Variants in DOCK9 observed in about 807,000 individuals in gnomAD.
DOCK9 encodes the protein dedicator of cytokinesis 9, also known as dedicator of cytokinesis protein 9.
A neutral mutation model predicts 263.3 loss-of-function variants in DOCK9; 89 were observed. That is an observed-to-expected ratio of 0.34 (90% CI 0.28 to 0.40). The LOEUF is 0.40. Ranked by LOEUF, DOCK9 falls within the 10% of genes least tolerant of loss-of-function variation. The probability of loss-of-function intolerance (pLI) is 1.00; values close to 1 mark genes in which losing one functional copy is unlikely to be tolerated. For missense variants in DOCK9, 2,140 were observed against 2,603.4 expected (o/e 0.82, Z 3.87); for synonymous variants, 976 against 973.1 (o/e 1.00, Z -0.06).
chr13:98,942,237 T>C (rs1336391842), intron 2 of DOCK9, among the ~76,000 whole-genome samples: 1 of 147,476 alleles, frequency 6.8e-6, no homozygotes, highest in Admixed American at 6.7e-5. Context: ...TTTTTGTTGT[T>C]TTTTTTTTTT....
At chr13:98,942,235 G>GTTTTTTTTTTTTTT (rs61340557) in intron 2 of DOCK9, among the ~76,000 whole-genome samples, 1 of 99,388 alleles carries the variant, frequency 1.0e-5, no homozygotes. Flanking sequence ...TTTTTTTGTT[G>GTTTTTTTTTTTTTT]TTTTTTTTTT....
At chr13:99,040,668 C>A (rs1324989) in intron 1 of DOCK9, among the ~76,000 whole-genome samples, 77,385 of 151,856 alleles carry the variant, frequency 0.51, 19,950 homozygotes, top group East Asian at 0.65. Context: ...GCGCCAGACA[C>A]GGGAGAGGAT....
intron 1 of DOCK9, among the ~76,000 whole-genome samples, chr13:99,044,174 C>G (rs538045287): frequency 1.3e-5 from 2 of 152,318 alleles, no homozygotes; most frequent in East Asian, 3.9e-4. Context: ...AACAGGAAAG[C>G]CAGGGCCAAC....
intron 52 of DOCK9, chr13:98,796,211 C>A: frequency 6.3e-7 from 1 of 1,587,158 alleles, no homozygotes; most frequent in Non-Finnish European, 8.6e-7. Flanking sequence ...ATTACCATCC[C>A]AGCTGAACGT....
At chr13:99,078,037 T>A (rs1331393958) in intron 1 of DOCK9, among the ~76,000 whole-genome samples, 1 of 152,114 alleles carries the variant, frequency 6.6e-6, no homozygotes, top group African/African-American at 2.4e-5. Context: ...TAGTTGGTGA[T>A]GAAATGACAC....
chr13:98,912,884 G>A (rs1002070119), intron 9 of DOCK9, among the ~76,000 whole-genome samples: 6 of 152,198 alleles, frequency 3.9e-5, no homozygotes, highest in African/African-American at 1.4e-4. Flanking sequence ...ACCCAAATGG[G>A]CACAAATATT....
At chr13:98,993,100 G>A (rs2141729775) in intron 1 of DOCK9, among the ~76,000 whole-genome samples, 1 of 152,302 alleles carries the variant, frequency 6.6e-6, no homozygotes, top group East Asian at 1.9e-4. Context: ...CAGGAGTATG[G>A]ACTCTGCCTC....
At chr13:99,036,958 T>C (rs761609198) in intron 1 of DOCK9, among the ~76,000 whole-genome samples, 13 of 152,292 alleles carry the variant, frequency 8.5e-5, no homozygotes, top group Non-Finnish European at 1.3e-4. Context: ...CCAAGCATAG[T>C]ATAGGCTCTG....
chr13:98,883,017 G>A, intron 23 of DOCK9, 25 bp downstream of exon 23: 1 of 1,595,036 alleles, frequency 6.3e-7, no homozygotes, highest in Non-Finnish European at 8.6e-7. Flanking sequence ...ACTTAAAAGG[G>A]GATACTAAGA....
rs9517551 is a variant in DOCK9, at chr13:99,024,885, G to T, written c.129+61338C>A. 9.5e-3 allele frequency among the ~76,000 whole-genome samples: 1,448 copies of T among 152,136 alleles called. 9 individuals are homozygous for T. The highest frequency in any genetic ancestry group is 0.022 in the South Asian group (107 of 4,810). ...CACAAAATAAAATATGTACTCTCTT[G>T]TCCTGGCTTATAGTCAGGTTAAATG... is the stretch of plus-strand genomic sequence containing the variant. On this transcript the variant is annotated intron_variant, in intron 1 of 32. Transcript: ENST00000427887.
intron 52 of DOCK9, among the ~76,000 whole-genome samples, chr13:98,796,836 G>A (rs1373538598): frequency 2.6e-5 from 4 of 152,192 alleles, no homozygotes; most frequent in Middle Eastern, 3.4e-3. Flanking sequence ...TTGGCTAGAC[G>A]GGGGTGGGGA....
In DOCK9 at chr13:98,885,748, A is replaced by G. The variant is rs1468454996; in HGVS notation, c.2220T>C (p.Ser740=). Reference sequence around the variant, plus strand: ...CATCCCTCTTCTTCGTGCTTCCTTTACTTGAGTTGTCACAGCTGACATGGA... The same window carrying G: ...CATCCCTCTTCTTCGTGCTTCCTTTGCTTGAGTTGTCACAGCTGACATGGA... The part of the protein sequence containing the change: ...TFFHVSCDNS[S]KGSTKKRDVV... Residue 740 remains serine, a synonymous_variant, in exon 20 of 53, where the codon AGT becomes AGC. Transcript: ENST00000682017. 5.0e-6 allele frequency: 8 copies of G among 1,612,040 alleles called. No individual in the cohort carries two copies. Among genetic ancestry groups the G allele is most frequent in the Admixed American group, 1.7e-5 (1 of 59,386 alleles).
rs184802423 is a variant in DOCK9, at chr13:98,840,263, G to A, written c.4199-2654C>T. On this transcript the variant is annotated intron_variant, in intron 38 of 52. Coordinates refer to ENST00000682017, the MANE Select transcript of DOCK9 (RefSeq NM_001366683.2). Reference sequence around the variant, plus strand: ...AAGCTGATTAAGCAGCTTTTGACCCGGGCAAGTAAGGAGTGCGGTGTGAAG... The same window carrying A: ...AAGCTGATTAAGCAGCTTTTGACCCAGGCAAGTAAGGAGTGCGGTGTGAAG... Among the ~76,000 whole-genome samples, 14 of 152,276 alleles carry A rather than the reference G, an allele frequency of 9.2e-5. No homozygotes were observed. The East Asian group carries it at 1.5e-3, about 17-fold the overall frequency.
At chr13:98,855,835 C>T (rs1373178064) in intron 34 of DOCK9, 63 bp downstream of exon 34, 31 of 1,591,056 alleles carry the variant, frequency 1.9e-5, no homozygotes, top group African/African-American at 1.1e-4. Flanking sequence ...ACATGAAGTA[C>T]GTTTACTTTG....
intron 51 of DOCK9, 33 bp from the exon 52 acceptor site, chr13:98,797,286 C>A (rs766850817): frequency 5.0e-6 from 8 of 1,613,208 alleles, no homozygotes; most frequent in Admixed American, 3.3e-5. Context: ...AACAAAGGCA[C>A]GCAGAGGATA....
chr13:98,797,576 G>A, intron 50 of DOCK9, 87 bp from the exon 51 acceptor site: 1 of 1,174,490 alleles, frequency 8.5e-7, no homozygotes, highest in Non-Finnish European at 1.2e-6. Flanking sequence ...GCACTAAAAA[G>A]CCCGTTCGCG....
intron 47 of DOCK9, chr13:98,809,108 G>A: frequency 6.5e-7 from 1 of 1,543,330 alleles, no homozygotes; most frequent in Non-Finnish European, 8.7e-7. Flanking sequence ...AATGTCTTAA[G>A]GAGGAAGAAC....
At chr13:98,893,883 G>A (rs1362153281) in intron 15 of DOCK9, among the ~76,000 whole-genome samples, 2 of 152,224 alleles carry the variant, frequency 1.3e-5, no homozygotes, top group East Asian at 3.8e-4. Context: ...CACTTATCCT[G>A]CTGTGTCTTC....
chr13:99,001,984 C>CT (rs1882426704), intron 1 of DOCK9, among the ~76,000 whole-genome samples: 1 of 152,214 alleles, frequency 6.6e-6, no homozygotes, highest in Admixed American at 6.5e-5. Context: ...CTCTACCCCA[C>CT]TCCCCACCTA....
Sources: allele counts gnomAD v4.1 joint callset (sites outside exome capture counted in the v4.1 genomes callset), GRCh38; gene constraint gnomAD v4.1.1; transcripts MANE v1.5; gene names NCBI Gene and HGNC (gene_info 2026-07-23, HGNC 2026-07-21).